PDCD2L: variants seen among roughly 807,000 people sequenced by gnomAD.
PDCD2L encodes programmed cell death 2 like, also known as uS5 assembly chaperone PDCD2L.
Under a neutral mutation model 40.4 loss-of-function variants are expected in PDCD2L, and 44 were observed. The ratio of observed to expected loss-of-function variants is 1.09; its 90% CI spans 0.86 to 1.40. The LOEUF is 1.40. Among genes scored for constraint, PDCD2L ranks in the 40% most tolerant of loss-of-function variants. PDCD2L has a pLI of 0.00. For missense variants in PDCD2L, 470 were observed against 453.7 expected (o/e 1.04, Z -0.33); for synonymous variants, 194 against 174.6 (o/e 1.11, Z -0.88).
At chr19:34,421,919 C>G (rs1599875981) in intron 6 of PDCD2L, 1 of 284,256 alleles carries the variant, frequency 3.5e-6, no homozygotes, top group East Asian at 8.6e-5. Context: ...GAAACCCTGT[C>G]TCTACTATAA....
rs1201210086 is a variant in PDCD2L, at chr19:34,404,495, C to T, written c.65C>T (p.Thr22Ile). 2 of 1,543,380 alleles carry T rather than the reference C, an allele frequency of 1.3e-6. No homozygotes were observed. Among genetic ancestry groups the T allele is most frequent in the Non-Finnish European group, 1.7e-6 (2 of 1,146,914 alleles). The change falls in exon 1 of 7, where the codon ACA (threonine) becomes ATA (isoleucine). Residue 22 changes from threonine (T) to isoleucine (I), a missense_variant. Thr to Ile is a moderately conservative substitution (Grantham distance 89, BLOSUM62 -1). Transcript: ENST00000246535. Reference sequence around the variant, plus strand: ...GATGCGCCGGTGCACGGCAGCCCCACAGGGCCGGGTGCCTGGACTGCTAGC... The same window carrying T: ...GATGCGCCGGTGCACGGCAGCCCCATAGGGCCGGGTGCCTGGACTGCTAGC... ...LRDAPVHGSP[T>I]GPGAWTASKL...
chr19:34,415,261 G>A (rs562913888), intron 5 of PDCD2L, among the ~76,000 whole-genome samples: 1 of 152,020 alleles, frequency 6.6e-6, no homozygotes, highest in South Asian at 2.1e-4. Context: ...TAGGATTACA[G>A]CGCCACCACG....
chr19:34,417,000 G>A (rs2075129207), intron 5 of PDCD2L, among the ~76,000 whole-genome samples: 1 of 152,076 alleles, frequency 6.6e-6, no homozygotes, highest in African/African-American at 2.4e-5. Flanking sequence ...TATAGTCCCA[G>A]CTGTTCAGGA....
intron 6 of PDCD2L, among the ~76,000 whole-genome samples, chr19:34,423,491 CTTTT>C (rs547306985): frequency 8.8e-6 from 1 of 113,084 alleles, no homozygotes; most frequent in African/African-American, 3.2e-5. Flanking sequence ...GACCCAGTAT[CTTTT>C]TTTTTTTTTT....
chr19:34,411,159 CTTCTTTT>C, intron 4 of PDCD2L, among the ~76,000 whole-genome samples: 1 of 85,618 alleles, frequency 1.2e-5, no homozygotes, highest in African/African-American at 4.6e-5. Context: ...CTAGAGTATT[CTTCTTTT>C]TTTTTTTTTT....
At position 34,404,984 on chromosome 19, in the gene PDCD2L, C is replaced by A; in HGVS notation, c.330C>A (p.Asp110Glu). 3 of 1,614,088 alleles carry A rather than the reference C, an allele frequency of 1.9e-6. No individual in the cohort carries two copies. Among genetic ancestry groups the A allele is most frequent in the Non-Finnish European group, 2.5e-6 (3 of 1,180,012 alleles). ...AGGTGCCAGAGAGAGAGGCGCAGGA[C>A]GCTCAGGTAAAGGTTGTGATTGGCA... The part of the protein sequence containing the change: ...CLQVPEREAQ[D>E]AQKQGNSLAA... Residue 110 changes from aspartate (D) to glutamate (E), a missense_variant, in exon 3 of 7, where the codon GAC becomes GAA. By Grantham distance (45) the Asp-to-Glu change is conservative. Transcript: ENST00000246535.
In PDCD2L at chr19:34,409,350, C is replaced by T; in HGVS notation, c.526C>T (p.His176Tyr). Reference protein sequence around the residue: ...RLQDAVLGAAHPVPPGLPLFL... With the variant: ...RLQDAVLGAAYPVPPGLPLFL... ...GCAGGATGCTGTCCTGGGTGCTGCC[C>T]ATCCTGTGCCTCCTGGGCTGCCGCT... The change falls in exon 4 of 7, where the codon CAT (histidine) becomes TAT (tyrosine). Residue 176 changes from histidine (H) to tyrosine (Y), a missense_variant. By Grantham distance (83) the His-to-Tyr change is moderately conservative. Coordinates refer to ENST00000246535, the MANE Select transcript of PDCD2L (RefSeq NM_032346.2). The T allele has an allele frequency of 6.2e-7, 1 of 1,614,090 alleles. No homozygotes were observed. Among genetic ancestry groups the T allele is most frequent in the Non-Finnish European group, 8.5e-7 (1 of 1,180,028 alleles).
At chr19:34,405,722 G>A (rs1012903809) in intron 3 of PDCD2L, among the ~76,000 whole-genome samples, 21 of 151,238 alleles carry the variant, frequency 1.4e-4, no homozygotes, top group Admixed American at 7.9e-4. Flanking sequence ...CCAACATGGC[G>A]AAACCCCGTC....
intron 3 of PDCD2L, among the ~76,000 whole-genome samples, chr19:34,408,687 G>A (rs367749184): frequency 1.8e-4 from 28 of 152,306 alleles, no homozygotes; most frequent in African/African-American, 5.5e-4. Flanking sequence ...CCACCGAACC[G>A]TTGGCTCCAA....
chr19:34,414,224 G>C (rs927088972), intron 5 of PDCD2L, among the ~76,000 whole-genome samples: 4 of 151,680 alleles, frequency 2.6e-5, no homozygotes, highest in Non-Finnish European at 4.4e-5. Context: ...CGCCCAGGCT[G>C]GAGTGTAGTG....
intron 6 of PDCD2L, among the ~76,000 whole-genome samples, chr19:34,422,523 A>G (rs1049209853): frequency 6.6e-6 from 1 of 152,100 alleles, no homozygotes; most frequent in South Asian, 2.1e-4. Context: ...GTTAATAACC[A>G]TTATTCCAAC....
chr19:34,413,836 G>A lies in PDCD2L; in HGVS notation c.786G>A (p.Glu262=). ...KFMKRIAACQ[E]QILRYSWSGE... ...TGAAGCGAATTGCTGCTTGTCAGGA[G>A]CAGATTTTGAGGTAAAAAAAGGCAC... The change falls in exon 5 of 7, where the codon GAG becomes GAA. Residue 262 remains glutamate, a synonymous_variant. Transcript: ENST00000246535. 1.3e-6 allele frequency: 2 copies of A among 1,590,606 alleles called. No homozygotes were observed. Among genetic ancestry groups the A allele is most frequent in the African/African-American group, 1.3e-5 (1 of 74,376 alleles).
chr19:34,424,915 TTTGTA>T (rs1256977193), intron 6 of PDCD2L, among the ~76,000 whole-genome samples: 1 of 151,958 alleles, frequency 6.6e-6, no homozygotes, highest in African/African-American at 2.4e-5. Flanking sequence ...CAGCTAATTT[TTTGTA>T]TTGTTAGTAG....
chr19:34,419,285 T>C (rs1280036848), intron 5 of PDCD2L, among the ~76,000 whole-genome samples: 1 of 151,994 alleles, frequency 6.6e-6, no homozygotes, highest in Non-Finnish European at 1.5e-5. Context: ...CTCAGCCTCC[T>C]GAGTAGCTGG....
chr19:34,404,894 G>A, intron 2 of PDCD2L, 36 bp from the exon 3 acceptor site: 2 of 1,613,058 alleles, frequency 1.2e-6, no homozygotes, highest in Non-Finnish European at 1.7e-6. Flanking sequence ...TGGAGTCGGG[G>A]TGCAGCCCTC....
At chr19:34,420,304 AGGTTTTTTTTTT>A (rs1218435613) in intron 5 of PDCD2L, among the ~76,000 whole-genome samples, 10 of 146,554 alleles carry the variant, frequency 6.8e-5, no homozygotes, top group African/African-American at 2.0e-4. Flanking sequence ...CTTGTCCACT[AGGTTTTTTTTTT>A]GGTTTTTTTT....
At chr19:34,407,918 G>A (rs1174994113) in intron 3 of PDCD2L, among the ~76,000 whole-genome samples, 1 of 151,868 alleles carries the variant, frequency 6.6e-6, no homozygotes, top group Non-Finnish European at 1.5e-5. Flanking sequence ...CACTGAGTTT[G>A]TTTGTTTGTT....
At chr19:34,409,096 G>C in intron 3 of PDCD2L, 65 bp from the exon 4 acceptor site, 2 of 1,474,754 alleles carry the variant, frequency 1.4e-6, no homozygotes, top group Non-Finnish European at 1.9e-6. Context: ...TGGGTGGCTG[G>C]AGCCGAAGGA....
intron 3 of PDCD2L, 152 bp downstream of exon 3, chr19:34,405,142 A>ATTT: frequency 4.1e-4 from 148 of 364,442 alleles, no homozygotes; most frequent in East Asian, 9.4e-4. Flanking sequence ...ATTTTCGTAA[A>ATTT]GTTTTTTTTT....
Sources: gnomAD v4.1 joint callset for allele counts (sites outside exome capture counted in the v4.1 genomes callset) on GRCh38, gnomAD v4.1.1 for gene constraint, MANE v1.5 for transcripts, NCBI Gene and HGNC (gene_info 2026-07-23, HGNC 2026-07-21) for gene names.